DLGAP2: variants seen among roughly 807,000 people sequenced by gnomAD.
The protein encoded by DLGAP2 is DLG associated protein 2, also known as disks large-associated protein 2.
DLGAP2 carries 26 observed loss-of-function variants against 100.3 expected under a neutral mutation model. That is an observed-to-expected ratio of 0.26 (90% CI 0.19 to 0.36). DLGAP2 has a LOEUF of 0.36. Among genes scored for constraint, DLGAP2 ranks in the 10% least tolerant of loss-of-function variants. The pLI, the probability that DLGAP2 is intolerant of heterozygous loss-of-function variation, is 1.00. For synonymous variants in DLGAP2, 886 were observed against 630.1 expected (o/e 1.41, Z -6.08); for missense variants, 1,858 against 1,453.2 (o/e 1.28, Z -4.53).
intron 2 of DLGAP2, among the ~76,000 whole-genome samples, chr8:1,213,961 A>G (rs956836564): frequency 2.6e-5 from 4 of 151,970 alleles, no homozygotes; most frequent in African/African-American, 4.8e-5. Context: ...TAATTTCCCC[A>G]TCTCCAGCCT....
chr8:1,267,092 C>CG (rs1799468390), intron 3 of DLGAP2, among the ~76,000 whole-genome samples: 2 of 151,446 alleles, frequency 1.3e-5, no homozygotes, highest in Non-Finnish European at 2.9e-5. Context: ...ATTAGCCAGG[C>CG]GTGGGGGTGG....
chr8:1,170,059 C>G (rs949198213), intron 2 of DLGAP2, among the ~76,000 whole-genome samples: 2 of 151,998 alleles, frequency 1.3e-5, no homozygotes, highest in Non-Finnish European at 2.9e-5. Context: ...TACGTCCCAT[C>G]AATACCTAAT....
intron 1 of DLGAP2, among the ~76,000 whole-genome samples, chr8:894,348 G>A (rs1012779147): frequency 9.9e-5 from 15 of 152,124 alleles, no homozygotes; most frequent in Non-Finnish European, 5.9e-5. Flanking sequence ...CCTCTGATGC[G>A]TTCACAGCAG....
intron 2 of DLGAP2, among the ~76,000 whole-genome samples, chr8:1,072,913 A>T (rs1321408070): frequency 1.3e-5 from 2 of 152,192 alleles, no homozygotes; most frequent in Non-Finnish European, 2.9e-5. Context: ...GCTGGCTGAG[A>T]CGGAATCTGC....
At chr8:1,030,899 G>A (rs575363975) in intron 2 of DLGAP2, among the ~76,000 whole-genome samples, 2 of 152,320 alleles carry the variant, frequency 1.3e-5, no homozygotes, top group African/African-American at 2.4e-5. Context: ...CCAGACCCCC[G>A]AGGTCAGTTC....
chr8:1,165,218 G>A (rs966065813), intron 2 of DLGAP2, among the ~76,000 whole-genome samples: 8 of 150,656 alleles, frequency 5.3e-5, no homozygotes, highest in South Asian at 2.1e-4. Context: ...GGGAGATGGG[G>A]GGGCGGGAGG....
intron 3 of DLGAP2, among the ~76,000 whole-genome samples, chr8:1,476,805 G>A (rs111549762): frequency 3.6e-4 from 51 of 141,372 alleles, no homozygotes; most frequent in South Asian, 2.3e-3. Context: ...AGACCCACCC[G>A]TGATGGCTGA....
chr8:812,102 G>C (rs569592766), intron 1 of DLGAP2, among the ~76,000 whole-genome samples: 1 of 152,342 alleles, frequency 6.6e-6, no homozygotes, highest in East Asian at 1.9e-4. Context: ...CTCTGCAAGA[G>C]GGAGGGAAGG....
chr8:968,325 A>C (rs1799931053), intron 2 of DLGAP2, among the ~76,000 whole-genome samples: 1 of 152,096 alleles, frequency 6.6e-6, no homozygotes. Context: ...TTCTCTGAGA[A>C]CCTTTCATGG....
At chr8:1,602,317 G>A (rs1005456674) in intron 6 of DLGAP2, among the ~76,000 whole-genome samples, 1 of 152,160 alleles carries the variant, frequency 6.6e-6, no homozygotes, top group Admixed American at 6.5e-5. Context: ...CTAATTAATG[G>A]TGTGCTCTGA....
chr8:947,734 A>C (rs988102252), intron 2 of DLGAP2, among the ~76,000 whole-genome samples: 3 of 151,858 alleles, frequency 2.0e-5, no homozygotes, highest in Non-Finnish European at 4.4e-5. Context: ...CTCCATTCCC[A>C]CCCGTCACTT....
chr8:904,280 G>A (rs1022883633), intron 1 of DLGAP2, among the ~76,000 whole-genome samples: 4 of 152,218 alleles, frequency 2.6e-5, no homozygotes, highest in African/African-American at 9.7e-5. Flanking sequence ...AGCACTTTGG[G>A]AGGCCGAGGT....
rs190210488 is a variant in DLGAP2, at chr8:887,366, A to T, written c.19-20546A>T. Reference sequence around the variant, plus strand: ...TCTGTTAATTGGGGGCATTTAGCCCATTTACATTTAAGGTTAGTATTGTTA... The same window carrying T: ...TCTGTTAATTGGGGGCATTTAGCCCTTTTACATTTAAGGTTAGTATTGTTA... On this transcript the variant is annotated intron_variant, in intron 1 of 14. Coordinates refer to ENST00000637795, the MANE Select transcript of DLGAP2 (RefSeq NM_001346810.2). Among the ~76,000 whole-genome samples, 275 of 152,230 alleles carry T rather than the reference A, an allele frequency of 1.8e-3. 1 individual carries two copies. The highest frequency in any genetic ancestry group is 6.0e-3 in the African/African-American group (249 of 41,530).
Position 1,629,015 on chromosome 8 carries a change from G to A in DLGAP2, c.1590+2128G>A, listed in dbSNP as rs1417364353. ...CTTATTATTACCATGATAACAATAA[G>A]TAATACTATATAATTCTGGGCACTA... On this transcript the variant is annotated intron_variant, in intron 7 of 14. Transcript: ENST00000637795. 2.0e-5 allele frequency among the ~76,000 whole-genome samples: 3 copies of A among 152,338 alleles called. No individual in the cohort carries two copies. The East Asian group carries it at 5.8e-4, about 29-fold the overall frequency.
chr8:1,423,986 A>G (rs1165439983), intron 3 of DLGAP2, among the ~76,000 whole-genome samples: 1 of 152,226 alleles, frequency 6.6e-6, no homozygotes, highest in Non-Finnish European at 1.5e-5. Context: ...ACTGGAATGA[A>G]TTCTGCAAAA....
At chr8:999,972 G>A (rs1800899453) in intron 2 of DLGAP2, among the ~76,000 whole-genome samples, 1 of 148,602 alleles carries the variant, frequency 6.7e-6, no homozygotes. Flanking sequence ...ACAGATCCGG[G>A]TGGAGGTGGT....
intron 6 of DLGAP2, among the ~76,000 whole-genome samples, chr8:1,594,386 A>G (rs151244134): frequency 1.4e-4 from 22 of 152,306 alleles, no homozygotes; most frequent in Non-Finnish European, 2.5e-4. Context: ...GTAAAGTGAC[A>G]GGACATATTT....
intron 4 of DLGAP2, among the ~76,000 whole-genome samples, chr8:1,503,029 G>GAGAGT (rs577937281): frequency 1.0e-3 from 157 of 152,280 alleles, no homozygotes; most frequent in Non-Finnish European, 1.9e-3. Flanking sequence ...CTCCGTGGTT[G>GAGAGT]AGAGTTTGTT....
chr8:1,133,037 T>C (rs1214128177), intron 2 of DLGAP2, among the ~76,000 whole-genome samples: 1 of 152,176 alleles, frequency 6.6e-6, no homozygotes, highest in Non-Finnish European at 1.5e-5. Context: ...CTGTGTGTGG[T>C]GGGGTCCTTA....
Sources: gnomAD v4.1 joint callset for allele counts (sites outside exome capture counted in the v4.1 genomes callset) on GRCh38, gnomAD v4.1.1 for gene constraint, MANE v1.5 for transcripts, NCBI Gene and HGNC (gene_info 2026-07-23, HGNC 2026-07-21) for gene names.